Variants in NTRK3 observed in about 807,000 individuals in gnomAD.
NTRK3 encodes NT-3 growth factor receptor.
NTRK3 carries 24 observed loss-of-function variants against 91.7 expected under a neutral mutation model. The observed-to-expected ratio is 0.26, with a 90% CI of 0.19 to 0.37. The LOEUF (loss-of-function observed/expected upper bound fraction) is 0.37, where lower values mean the gene tolerates loss of function less well. NTRK3 is among the 10% of genes least tolerant of loss of function. The probability of loss-of-function intolerance (pLI) is 1.00; values close to 1 mark genes in which losing one functional copy is unlikely to be tolerated. For missense variants in NTRK3, 880 were observed against 1,068.9 expected (o/e 0.82, Z 2.46); for synonymous variants, 483 against 404.0 (o/e 1.20, Z -2.34).
chr15:87,931,160 T>C (rs765890601), intron 16 of NTRK3: 8 of 505,842 alleles, frequency 1.6e-5, no homozygotes, highest in Admixed American at 1.4e-4. Context: ...TTCCCTTTTA[T>C]CATGTATGAC....
At chr15:88,184,371 A>G in intron 3 of NTRK3, 72 bp from the exon 4 acceptor site, 1 of 1,443,640 alleles carries the variant, frequency 6.9e-7, no homozygotes. Flanking sequence ...AGCCACAGAG[A>G]CCTGGCTTTG....
rs1049705922 is a variant in NTRK3 at position 88,244,268 on chromosome 15, C to A, written c.248+11638G>T. On this transcript the variant is annotated intron_variant, in intron 3 of 18. Transcript: ENST00000394480. The stretch of plus-strand genomic sequence containing the variant: ...GCTCCAGATGCTGTTCTATCATGTT[C>A]CAGATGCTGTCCCCACATCATGTAT... Among the ~76,000 whole-genome samples, 9 of 152,304 alleles carry A rather than the reference C, an allele frequency of 5.9e-5. No homozygotes were observed. The East Asian group carries it at 1.7e-3, about 29-fold the overall frequency.
intron 17 of NTRK3, among the ~76,000 whole-genome samples, chr15:87,912,929 A>ATATATATACATAT (rs1555435273): frequency 6.6e-5 from 1 of 15,090 alleles, no homozygotes; most frequent in Non-Finnish European, 1.2e-4. Context: ...AAAGTAAAAA[A>ATATATATACATAT]AAATATATAT....
intron 14 of NTRK3, among the ~76,000 whole-genome samples, chr15:87,997,422 G>A (rs995695006): frequency 6.6e-5 from 10 of 152,102 alleles, no homozygotes; most frequent in African/African-American, 1.9e-4. Flanking sequence ...CTCAGGCAAC[G>A]AGGATGTGAA....
intron 14 of NTRK3, among the ~76,000 whole-genome samples, chr15:88,008,203 A>G (rs1236145590): frequency 6.6e-6 from 1 of 152,156 alleles, no homozygotes. Context: ...AGAGCATAAC[A>G]GGGTTGGCTC....
At chr15:87,969,048 A>T (rs2073039580) in intron 14 of NTRK3, among the ~76,000 whole-genome samples, 1 of 152,060 alleles carries the variant, frequency 6.6e-6, no homozygotes, top group Non-Finnish European at 1.5e-5. Flanking sequence ...CCAGGTACCA[A>T]GGTATTTTGA....
At chr15:88,117,904 G>A (rs990536631) in intron 13 of NTRK3, among the ~76,000 whole-genome samples, 16 of 152,208 alleles carry the variant, frequency 1.1e-4, no homozygotes, top group African/African-American at 2.7e-4. Flanking sequence ...CCTGGAACAG[G>A]TGGCAGACAC....
rs377313112 is a variant in NTRK3, at chr15:88,075,266, G to C, written c.1397-42221C>G. 2.0e-5 allele frequency among the ~76,000 whole-genome samples: 3 copies of C among 152,268 alleles called. No individual in the cohort carries two copies. The East Asian group carries it at 5.8e-4, about 29-fold the overall frequency. ...CGAGGGCCTGAGCCACCATCCACAG[G>C]GTCAACAACTCTATCTGCATGACGT... On this transcript the variant is annotated intron_variant, in intron 13 of 18. Transcript: ENST00000394480.
At chr15:88,036,949 A>G (rs539373310) in intron 13 of NTRK3, among the ~76,000 whole-genome samples, 1 of 152,356 alleles carries the variant, frequency 6.6e-6, no homozygotes, top group African/African-American at 2.4e-5. Flanking sequence ...ATCTGCTCAC[A>G]TAAAGTCCAT....
intron 17 of NTRK3, among the ~76,000 whole-genome samples, chr15:87,886,691 T>TATATATATATATATATATATATATATAC (rs1228878589): frequency 1.4e-5 from 2 of 141,346 alleles, no homozygotes; most frequent in African/African-American, 5.3e-5. Context: ...TATATATATA[T>TATATATATATATATATATATATATATAC]ATATATATAC....
At chr15:87,941,009 A>G (rs1567132556) in intron 14 of NTRK3, among the ~76,000 whole-genome samples, 1 of 152,182 alleles carries the variant, frequency 6.6e-6, no homozygotes, top group Non-Finnish European at 1.5e-5. Flanking sequence ...CTGCTGGCAA[A>G]TGGAGTTAGT....
At chr15:88,117,186 A>G (rs944464222) in intron 13 of NTRK3, among the ~76,000 whole-genome samples, 2 of 152,216 alleles carry the variant, frequency 1.3e-5, no homozygotes, top group Admixed American at 1.3e-4. Context: ...AACAATTTAG[A>G]ATAAACTCAT....
chr15:87,864,425 C>A (rs2064608308), exon 19 of NTRK3: 1 of 230,286 alleles, frequency 4.3e-6, no homozygotes, highest in Non-Finnish European at 8.6e-6. Flanking sequence ...TCTTGTTGTG[C>A]CTGTTAACAT....
At chr15:87,946,692 C>G (rs2070540774) in intron 14 of NTRK3, among the ~76,000 whole-genome samples, 1 of 152,148 alleles carries the variant, frequency 6.6e-6, no homozygotes, top group South Asian at 2.1e-4. Context: ...GTCCTCATCA[C>G]TGAGACCTCA....
intron 6 of NTRK3, among the ~76,000 whole-genome samples, chr15:88,139,029 T>A (rs1296536205): frequency 6.6e-6 from 1 of 152,238 alleles, no homozygotes; most frequent in Non-Finnish European, 1.5e-5. Context: ...ATAAATTCAA[T>A]AAATTCTTAA....
chr15:88,085,056 A>G (rs2150693710), intron 13 of NTRK3, among the ~76,000 whole-genome samples: 1 of 152,360 alleles, frequency 6.6e-6, no homozygotes, highest in East Asian at 1.9e-4. Flanking sequence ...TCCCAGGGTC[A>G]AAAGAGTAGA....
intron 13 of NTRK3, among the ~76,000 whole-genome samples, chr15:88,054,201 T>C (rs1168337828): frequency 1.3e-5 from 2 of 152,238 alleles, no homozygotes; most frequent in Non-Finnish European, 2.9e-5. Flanking sequence ...AAAAAATATA[T>C]TGAATGCCTA....
intron 3 of NTRK3, among the ~76,000 whole-genome samples, chr15:88,230,717 G>A (rs550882519): frequency 3.2e-4 from 49 of 152,284 alleles, no homozygotes; most frequent in African/African-American, 1.2e-3. Context: ...TGGGGATGGG[G>A]AGAGGAAACA....
At chr15:88,009,235 C>T (rs2076700994) in intron 14 of NTRK3, among the ~76,000 whole-genome samples, 1 of 152,148 alleles carries the variant, frequency 6.6e-6, no homozygotes, top group Non-Finnish European at 1.5e-5. Context: ...ATGTATGAAG[C>T]TATTACTATA....
Sources: allele counts gnomAD v4.1 joint callset (sites outside exome capture counted in the v4.1 genomes callset), GRCh38; gene constraint gnomAD v4.1.1; transcripts MANE v1.5; gene names NCBI Gene and HGNC (gene_info 2026-07-23, HGNC 2026-07-21).